DYNC2H1: variants seen among roughly 807,000 people sequenced by gnomAD.
DYNC2H1 encodes cytoplasmic dynein 2 heavy chain 1.
In DYNC2H1, 410 loss-of-function variants were observed where a neutral mutation model predicts 570.0. The observed-to-expected ratio is 0.72, with a 90% CI of 0.66 to 0.78. The LOEUF is 0.78. Ranked by LOEUF, DYNC2H1 falls within the 30% of genes least tolerant of loss-of-function variation. The pLI, the probability that DYNC2H1 is intolerant of heterozygous loss-of-function variation, is 0.00. For synonymous variants in DYNC2H1, 1,688 were observed against 1,677.6 expected, an observed-to-expected ratio of 1.01 and a Z score of -0.15; for missense variants, 4,865 against 5,046.4, an observed-to-expected ratio of 0.96 and a Z score of 1.09.
At chr11:103,427,076 C>T (rs1311206673) in intron 84 of DYNC2H1, among the ~76,000 whole-genome samples, 1 of 151,848 alleles carries the variant, frequency 6.6e-6, no homozygotes, top group African/African-American at 2.4e-5. Context: ...CCCACAGAGC[C>T]CATTTAACTC....
intron 83 of DYNC2H1, among the ~76,000 whole-genome samples, chr11:103,390,784 TG>T (rs1320314199): frequency 6.6e-6 from 1 of 152,202 alleles, no homozygotes; most frequent in Non-Finnish European, 1.5e-5. Context: ...TATGAAATTC[TG>T]GGTTGAAAAT....
chr11:103,181,501 G>T lies in DYNC2H1; in HGVS notation c.6348-256G>T, dbSNP rs1861846517. 6.6e-6 allele frequency among the ~76,000 whole-genome samples: 1 copy of T among 151,414 alleles called. No homozygotes were observed. Among genetic ancestry groups the T allele is most frequent in the African/African-American group, 2.4e-5 (1 of 41,388 alleles). On this transcript the variant is annotated intron_variant, in intron 39 of 88. Coordinates refer to ENST00000375735, the MANE Select transcript of DYNC2H1 (RefSeq NM_001377.3). This position sits in a 1 kb window ranked among gnomAD's most constrained non-coding sequence, Gnocchi z 5.0. ...ATAATAAAATAGATGAAATGTATTT[G>T]TTTTATAGAAAATGACATATATATG...
chr11:103,296,260 G>A (rs1441146660), intron 75 of DYNC2H1, among the ~76,000 whole-genome samples: 2 of 152,118 alleles, frequency 1.3e-5, no homozygotes, highest in African/African-American at 4.8e-5. Context: ...AATTGCTGGA[G>A]GATTCTATTT....
intron 9 of DYNC2H1, 91 bp from the exon 10 acceptor site, chr11:103,121,281 A>C: frequency 4.3e-6 from 6 of 1,386,422 alleles, no homozygotes; most frequent in Non-Finnish European, 5.8e-6. Flanking sequence ...TTTTCTTTCT[A>C]CAGCATCTGA....
intron 83 of DYNC2H1, among the ~76,000 whole-genome samples, chr11:103,367,827 G>A (rs944602100): frequency 4.6e-5 from 7 of 152,112 alleles, no homozygotes; most frequent in South Asian, 4.1e-4. Context: ...TGTTACCAAC[G>A]TTTTTCCTAA....
chr11:103,231,231 G>A lies in DYNC2H1; in HGVS notation c.9354-29G>A, dbSNP rs374563278. The A allele has an allele frequency of 7.2e-6, 10 of 1,380,736 alleles. No homozygotes were observed. The African/African-American group carries it at 1.2e-4, about 16-fold the overall frequency. 85.5% of individuals were successfully genotyped at this position (1,380,736 alleles called of 1,614,324 possible). ...TTATAGTTGATATCTAAAATAGAAT[G>A]ACTTGTATAATATTGAGTTATATTT... On this transcript the variant is annotated intron_variant, in intron 59 of 88. Coordinates refer to ENST00000375735, the MANE Select transcript of DYNC2H1 (RefSeq NM_001377.3).
At chr11:103,174,955 G>T (rs551389025) in intron 36 of DYNC2H1, among the ~76,000 whole-genome samples, 3 of 151,290 alleles carry the variant, frequency 2.0e-5, no homozygotes, top group African/African-American at 4.9e-5. Context: ...GTGGGGTGGG[G>T]GGTAGTATCT....
intron 3 of DYNC2H1, 75 bp downstream of exon 3, chr11:103,114,313 C>A: frequency 7.2e-7 from 1 of 1,391,988 alleles, no homozygotes; most frequent in Non-Finnish European, 9.5e-7. Context: ...GAACATATTT[C>A]TTCATAGATT....
intron 82 of DYNC2H1, among the ~76,000 whole-genome samples, chr11:103,329,365 CATT>C (rs1311770351): frequency 6.6e-6 from 1 of 151,508 alleles, no homozygotes; most frequent in African/African-American, 2.4e-5. Context: ...AGGAATTGGG[CATT>C]ATTCAGTATT....
intron 79 of DYNC2H1, among the ~76,000 whole-genome samples, chr11:103,315,552 A>G (rs1183810080): frequency 1.3e-5 from 2 of 152,012 alleles, no homozygotes; most frequent in East Asian, 1.9e-4. Flanking sequence ...TTACAATCCA[A>G]TACAAAAATT....
chr11:103,451,297 C>G (rs1944590523), intron 85 of DYNC2H1, among the ~76,000 whole-genome samples: 1 of 143,826 alleles, frequency 7.0e-6, no homozygotes, highest in Non-Finnish European at 1.5e-5. Flanking sequence ...ATTTGCATTC[C>G]AAGAAATGAA....
At chr11:103,344,767 A>G in intron 82 of DYNC2H1, among the ~76,000 whole-genome samples, 1 of 152,330 alleles carries the variant, frequency 6.6e-6, no homozygotes, top group East Asian at 1.9e-4. Context: ...TTCAAAATAT[A>G]ACACTTAATA....
intron 31 of DYNC2H1, among the ~76,000 whole-genome samples, chr11:103,167,592 C>A (rs989352790): frequency 6.6e-6 from 1 of 152,032 alleles, no homozygotes; most frequent in Admixed American, 6.6e-5. Flanking sequence ...AAGTCTTTTG[C>A]AGATAACCTC....
In DYNC2H1 at chr11:103,399,715, C is replaced by G. The variant is rs373534237; in HGVS notation, c.12209C>G (p.Ser4070Cys). ...CCTCCTCCTAACGATCGACAAGGAT[C>G]TCCAATACTGTCATTCATCATTCTT... ...KVPPPNDRQG[S>C]PILSFIILEQ... The change falls in exon 84 of 89, where the codon TCT (serine) becomes TGT (cysteine). Residue 4070 changes from serine to cysteine, a missense_variant. By Grantham distance (112) the Ser-to-Cys change is moderately radical. Coordinates refer to ENST00000375735, the MANE Select transcript of DYNC2H1 (RefSeq NM_001377.3). 6.2e-7 allele frequency: 1 copy of G among 1,613,808 alleles called. No homozygotes were observed. Among genetic ancestry groups the G allele is most frequent in the Non-Finnish European group, 8.5e-7 (1 of 1,179,822 alleles).
intron 78 of DYNC2H1, among the ~76,000 whole-genome samples, chr11:103,308,869 A>T (rs1200829869): frequency 6.6e-6 from 1 of 152,016 alleles, no homozygotes; most frequent in East Asian, 1.9e-4. Context: ...TTAATAGTTC[A>T]TTATATATTC....
In DYNC2H1 at chr11:103,217,818, A is replaced by C. The variant is rs1863440712; in HGVS notation, c.8832+1960A>C. Among the ~76,000 whole-genome samples, 3 of 152,244 alleles carry C rather than the reference A, an allele frequency of 2.0e-5. No individual in the cohort carries two copies. The South Asian group carries it at 6.2e-4, about 32-fold the overall frequency. On this transcript the variant is annotated intron_variant, in intron 55 of 88. Transcript: ENST00000375735. The stretch of plus-strand genomic sequence containing the variant: ...GGGAGAAAATATTTACAAAACATAT[A>C]TTTGATAAAGAACTTCTATTCAGAA...
At chr11:103,274,429 A>G (rs1444849876) in intron 70 of DYNC2H1, among the ~76,000 whole-genome samples, 1 of 152,170 alleles carries the variant, frequency 6.6e-6, no homozygotes, top group Admixed American at 6.5e-5. Context: ...GAACAATATC[A>G]TTAAATGATA....
In DYNC2H1 at chr11:103,324,044, A is replaced by T; in HGVS notation, c.12039+54A>T. 7.3e-7 allele frequency: 1 copy of T among 1,363,254 alleles called. No individual in the cohort carries two copies. The allele number at this position is 1,363,254 out of a possible 1,614,324, so 84.4% of individuals were successfully genotyped here. A position where few individuals can be genotyped will look rare whatever the true frequency, so the allele number is the denominator to read the frequency against. On this transcript the variant is annotated intron_variant, in intron 82 of 88. Coordinates refer to ENST00000375735, the MANE Select transcript of DYNC2H1 (RefSeq NM_001377.3). This position sits in a 1 kb window ranked among gnomAD's most constrained non-coding sequence, Gnocchi z 5.2. The stretch of plus-strand genomic sequence containing the variant: ...AAAAAGTTGCTAGTGAGCCTGAAGG[A>T]GACAAAATTAAACTTGATTTAGTAC...
At chr11:103,430,103 ATT>A (rs1943834376) in intron 84 of DYNC2H1, among the ~76,000 whole-genome samples, 1 of 152,160 alleles carries the variant, frequency 6.6e-6, no homozygotes, top group Non-Finnish European at 1.5e-5. Context: ...GGATAGTGAT[ATT>A]TGTTAGTAGT....
Sources: allele counts gnomAD v4.1 joint callset (sites outside exome capture counted in the v4.1 genomes callset), GRCh38; gene constraint gnomAD v4.1.1; non-coding constraint Gnocchi (gnomAD v3.1); transcripts MANE v1.5; gene names NCBI Gene and HGNC (gene_info 2026-07-23, HGNC 2026-07-21).